Variants in CTIF observed in about 807,000 individuals in gnomAD.
The protein encoded by CTIF is CBP80/20-dependent translation initiation factor.
CTIF carries 21 observed loss-of-function variants against 66.0 expected under a neutral mutation model. The observed-to-expected ratio is 0.32, with a 90% CI of 0.23 to 0.46. The LOEUF (loss-of-function observed/expected upper bound fraction) is 0.46. Among genes scored for constraint, CTIF ranks in the 20% least tolerant of loss-of-function variants. CTIF has a pLI of 1.00. For synonymous variants in CTIF, 345 were observed against 326.4 expected (o/e 1.06, Z -0.62); for missense variants, 739 against 812.7 (o/e 0.91, Z 1.10).
At chr18:48,614,159 T>C (rs914626436) in intron 1 of CTIF, among the ~76,000 whole-genome samples, 7 of 152,166 alleles carry the variant, frequency 4.6e-5, no homozygotes, top group Admixed American at 3.9e-4. Flanking sequence ...GCCCAGCTGT[T>C]TGGGGACTTC....
intron 1 of CTIF, among the ~76,000 whole-genome samples, chr18:48,578,097 CT>C (rs1303536181): frequency 6.6e-6 from 1 of 152,126 alleles, no homozygotes; most frequent in African/African-American, 2.4e-5. Flanking sequence ...TAACTGGCTT[CT>C]TTCACTTAGT....
Position 48,547,096 on chromosome 18 carries a change from T to G in CTIF, c.-29+7784T>G, listed in dbSNP as rs1026685525. 2.0e-5 allele frequency among the ~76,000 whole-genome samples: 3 copies of G among 151,942 alleles called. No homozygotes were observed. The East Asian group carries it at 5.8e-4, about 30-fold the overall frequency. ...TGCTTTGCGATCAGGGCAGGGTAAG[T>G]GAGGGAGGAGAGAGAAGAGAAAGGG... On this transcript the variant is annotated intron_variant, in intron 1 of 11. Coordinates refer to ENST00000256413, the MANE Select transcript of CTIF (RefSeq NM_014772.3).
At chr18:48,661,946 G>A (rs967840620) in intron 3 of CTIF, 4 of 152,274 alleles carry the variant, frequency 2.6e-5, no homozygotes, top group African/African-American at 4.8e-5. Context: ...GGAGCACTGA[G>A]CTTCCAGCTC....
At chr18:48,807,198 C>T (rs1227492389) in intron 9 of CTIF, among the ~76,000 whole-genome samples, 2 of 152,160 alleles carry the variant, frequency 1.3e-5, no homozygotes, top group Non-Finnish European at 2.9e-5. Context: ...GTTCACACCC[C>T]AGTTCCCCAC....
intron 7 of CTIF, among the ~76,000 whole-genome samples, chr18:48,735,704 A>G (rs1169003157): frequency 6.6e-6 from 1 of 152,174 alleles, no homozygotes; most frequent in Admixed American, 6.5e-5. Context: ...TGGAGTCTTG[A>G]GGATTCTTGC....
chr18:48,832,198 G>T (rs1390296703), intron 10 of CTIF, among the ~76,000 whole-genome samples: 1 of 73,124 alleles, frequency 1.4e-5, no homozygotes, highest in Non-Finnish European at 2.9e-5. Flanking sequence ...TTAAGACAGG[G>T]TCTCCCTTTG....
chr18:48,690,636 A>G (rs942732556), intron 6 of CTIF, among the ~76,000 whole-genome samples: 6 of 152,042 alleles, frequency 3.9e-5, no homozygotes, highest in African/African-American at 1.4e-4. Context: ...AAAGTAGTCC[A>G]CAAACACTTA....
chr18:48,855,027 T>C (rs1294570408), intron 10 of CTIF, among the ~76,000 whole-genome samples: 1 of 152,238 alleles, frequency 6.6e-6, no homozygotes, highest in African/African-American at 2.4e-5. Flanking sequence ...GAGCTGCATT[T>C]CCACCGCCCT....
chr18:48,859,919 G>T lies in CTIF; in HGVS notation c.*360G>T, dbSNP rs1248450231. 2 of 500,022 alleles carry T rather than the reference G, an allele frequency of 4.0e-6. No individual in the cohort carries two copies. The highest frequency in any genetic ancestry group is 2.3e-5 in the Admixed American group (1 of 43,684). 31.0% of individuals were successfully genotyped at this position (500,022 alleles called of 1,614,324 possible). ...ATCGCTGTGACTCCTCGGAGACCTT[G>T]GCAGCCTCGCACGCCGGGGCACCGC... is the stretch of plus-strand genomic sequence containing the variant. On this transcript the variant is annotated 3_prime_UTR_variant, in exon 12 of 12. Transcript: ENST00000256413.
rs748009627 is a variant in CTIF, at chr18:48,758,020, G to A, written c.686G>A (p.Gly229Glu). 1.2e-6 allele frequency: 2 copies of A among 1,614,020 alleles called. No individual in the cohort carries two copies. Among genetic ancestry groups the A allele is most frequent in the South Asian group, 2.2e-5 (2 of 91,078 alleles). The change falls in exon 8 of 12, where the codon GGG becomes GAG. Residue 229 changes from glycine to glutamate, a missense_variant. Gly to Glu is a moderately conservative substitution (Grantham distance 98). Coordinates refer to ENST00000256413, the MANE Select transcript of CTIF (RefSeq NM_014772.3). ...HNRDHQKSYQ[G>E]GSAPHPSGRP... is the part of the protein sequence containing the mutation. ...AGGGACCACCAGAAATCCTACCAGG[G>A]GGGCTCAGCACCCCACCCCTCAGGG...
intron 9 of CTIF, among the ~76,000 whole-genome samples, chr18:48,811,481 TAG>T (rs1206431130): frequency 1.1e-4 from 16 of 152,224 alleles, no homozygotes; most frequent in African/African-American, 3.4e-4. Flanking sequence ...TTCAATAGTG[TAG>T]AGTCACATTC....
intron 8 of CTIF, among the ~76,000 whole-genome samples, chr18:48,759,128 G>A (rs1275263769): frequency 6.6e-6 from 1 of 152,172 alleles, no homozygotes; most frequent in Non-Finnish European, 1.5e-5. Flanking sequence ...AGAGGGATGG[G>A]GATTTGTACT....
At chr18:48,837,263 A>G (rs576296303) in intron 10 of CTIF, among the ~76,000 whole-genome samples, 1 of 152,276 alleles carries the variant, frequency 6.6e-6, no homozygotes, top group South Asian at 2.1e-4. Flanking sequence ...CCCTAGAGCA[A>G]GGGAGCACTG....
intron 9 of CTIF, among the ~76,000 whole-genome samples, chr18:48,783,985 T>C (rs759676067): frequency 4.6e-5 from 7 of 152,226 alleles, no homozygotes; most frequent in African/African-American, 1.7e-4. Context: ...CATTGCTCCA[T>C]GTGCACTCTA....
intron 7 of CTIF, among the ~76,000 whole-genome samples, chr18:48,724,144 G>T (rs954496260): frequency 1.3e-5 from 2 of 152,176 alleles, no homozygotes; most frequent in African/African-American, 2.4e-5. Flanking sequence ...GGGCTGGATG[G>T]GGTTGCCCAT....
At chr18:48,804,800 A>G (rs1383567382) in intron 9 of CTIF, among the ~76,000 whole-genome samples, 1 of 151,880 alleles carries the variant, frequency 6.6e-6, no homozygotes, top group Non-Finnish European at 1.5e-5. Context: ...TTCTCCTCCT[A>G]TCCTGACTCC....
intron 7 of CTIF, among the ~76,000 whole-genome samples, chr18:48,725,588 C>T (rs1375970960): frequency 6.6e-6 from 1 of 152,184 alleles, no homozygotes; most frequent in East Asian, 1.9e-4. Context: ...CATGCGGCCC[C>T]TTTTGACCCC....
At chr18:48,610,223 G>A (rs534425551) in intron 1 of CTIF, among the ~76,000 whole-genome samples, 12 of 152,320 alleles carry the variant, frequency 7.9e-5, no homozygotes, top group African/African-American at 2.4e-4. Flanking sequence ...GCCCAGAGGC[G>A]GAGGAGAAGG....
intron 6 of CTIF, among the ~76,000 whole-genome samples, chr18:48,681,196 C>T: frequency 6.6e-6 from 1 of 152,268 alleles, no homozygotes; most frequent in Middle Eastern, 3.2e-3. Context: ...TTGTGAGCTG[C>T]TGCACAATCC....
Sources: gnomAD v4.1 joint callset for allele counts (sites outside exome capture counted in the v4.1 genomes callset) on GRCh38, gnomAD v4.1.1 for gene constraint, MANE v1.5 for transcripts, NCBI Gene and HGNC (gene_info 2026-07-23, HGNC 2026-07-21) for gene names.